The following PRIM2 variants were observed in gnomAD, a reference collection of about 807,000 sequenced individuals.
PRIM2 encodes the protein DNA primase large subunit.
PRIM2 carries 39 observed loss-of-function variants against 67.3 expected under a neutral mutation model. The ratio of observed to expected loss-of-function variants is 0.58; its 90% confidence interval spans 0.45 to 0.76. The LOEUF is 0.76. PRIM2 is among the 30% of genes least tolerant of loss of function. The pLI is 0.00. For missense variants in PRIM2, 398 were observed against 598.7 expected (o/e 0.66, Z 3.50); for synonymous variants, 143 against 198.7 (o/e 0.72, Z 2.36).
chr6:57,450,979 T>C (rs1222455367), intron 7 of PRIM2, among the ~76,000 whole-genome samples: 4 of 152,204 alleles, frequency 2.6e-5, no homozygotes, highest in Non-Finnish European at 5.9e-5. Flanking sequence ...CTCTTGATTC[T>C]GGGAAATGTT....
At chr6:57,508,492 TTAACC>T (rs1774295529) in intron 8 of PRIM2, among the ~76,000 whole-genome samples, 1 of 152,214 alleles carries the variant, frequency 6.6e-6, no homozygotes, top group Admixed American at 6.5e-5. Context: ...ATGCTATATG[TTAACC>T]TTTATTTGTA....
chr6:57,366,073 T>G (rs1245415149), intron 5 of PRIM2, among the ~76,000 whole-genome samples: 2 of 148,402 alleles, frequency 1.3e-5, no homozygotes, highest in African/African-American at 2.5e-5. Flanking sequence ...ATAAATAATA[T>G]AAAAAAAAAC....
At chr6:57,394,077 T>C (rs552861913) in intron 7 of PRIM2, among the ~76,000 whole-genome samples, 1 of 152,348 alleles carries the variant, frequency 6.6e-6, no homozygotes, top group Non-Finnish European at 1.5e-5. Flanking sequence ...TATAGTATAG[T>C]TTGAAATCAG....
At chr6:57,406,642 A>G (rs1252397413) in intron 7 of PRIM2, among the ~76,000 whole-genome samples, 9 of 152,146 alleles carry the variant, frequency 5.9e-5, no homozygotes, top group African/African-American at 2.2e-4. Flanking sequence ...TTGATTGGAA[A>G]TAACCAAGGA....
chr6:57,224,261 A>G, the PRIM2 span, among the ~76,000 whole-genome samples: 1 of 152,290 alleles, frequency 6.6e-6, no homozygotes, highest in Admixed American at 6.5e-5. Context: ...ATCCTGTCTC[A>G]AAAATAAAAG....
the PRIM2 span, among the ~76,000 whole-genome samples, chr6:57,295,943 T>G: frequency 6.6e-6 from 1 of 152,202 alleles, no homozygotes; most frequent in Non-Finnish European, 1.5e-5. Flanking sequence ...GGGAATGGCA[T>G]TTTTGTGACT....
At chr6:57,615,138 G>C (rs1776731816) in intron 12 of PRIM2, among the ~76,000 whole-genome samples, 2 of 152,126 alleles carry the variant, frequency 1.3e-5, no homozygotes, top group Non-Finnish European at 2.9e-5. Flanking sequence ...AAATTTTAGA[G>C]CTGGGTGCGG....
chr6:57,316,497 G>T (rs1262272973), upstream of PRIM2, among the ~76,000 whole-genome samples: 1 of 152,218 alleles, frequency 6.6e-6, no homozygotes, highest in Non-Finnish European at 1.5e-5. Context: ...ACTTAGAACA[G>T]GTCCTGATAT....
the PRIM2 span, among the ~76,000 whole-genome samples, chr6:57,238,439 T>G: frequency 6.6e-6 from 1 of 152,208 alleles, no homozygotes; most frequent in Non-Finnish European, 1.5e-5. Flanking sequence ...ACATGGAAAC[T>G]GAACAACCTG....
intron 5 of PRIM2, among the ~76,000 whole-genome samples, chr6:57,367,743 C>T (rs62417963): frequency 5.3e-5 from 8 of 152,312 alleles, no homozygotes; most frequent in Admixed American, 2.6e-4. Flanking sequence ...CTCTGCTGGA[C>T]GCCTTTCCAT....
chr6:57,610,414 A>G (rs1776646606), intron 12 of PRIM2, among the ~76,000 whole-genome samples: 1 of 152,204 alleles, frequency 6.6e-6, no homozygotes, highest in East Asian at 1.9e-4. Flanking sequence ...ATCAGAAAAG[A>G]GATCATTGTG....
At chr6:57,273,140 G>A in the PRIM2 span, among the ~76,000 whole-genome samples, 12,344 of 151,900 alleles carry the variant, frequency 0.081, 726 homozygotes, top group East Asian at 0.18. Context: ...TCTTTGTGGC[G>A]TTCTCTGTAT....
intron 7 of PRIM2, among the ~76,000 whole-genome samples, chr6:57,403,708 G>A (rs560207186): frequency 6.6e-6 from 1 of 152,130 alleles, no homozygotes; most frequent in Admixed American, 6.5e-5. Flanking sequence ...TTTTCTAGTT[G>A]CCAGTAAATT....
the PRIM2 span, among the ~76,000 whole-genome samples, chr6:57,285,304 T>A: frequency 6.6e-6 from 1 of 152,112 alleles, no homozygotes; most frequent in Non-Finnish European, 1.5e-5. Context: ...TTCCAAAACC[T>A]GGCAGACACA....
At chr6:57,327,540 T>C (rs934819188) in intron 5 of PRIM2, among the ~76,000 whole-genome samples, 1 of 152,214 alleles carries the variant, frequency 6.6e-6, no homozygotes, top group East Asian at 1.9e-4. Context: ...GTTTCTTTCA[T>C]TTACTTCATG....
intron 8 of PRIM2, among the ~76,000 whole-genome samples, chr6:57,529,082 G>A (rs1247108883): frequency 1.3e-5 from 2 of 151,454 alleles, no homozygotes; most frequent in African/African-American, 2.4e-5. Context: ...AGGCCGAGGT[G>A]GGTGGATTAC....
chr6:57,493,057 A>G (rs1773931970), intron 7 of PRIM2, among the ~76,000 whole-genome samples: 1 of 152,206 alleles, frequency 6.6e-6, no homozygotes, highest in South Asian at 2.1e-4. Flanking sequence ...CTACAGCTTT[A>G]TTTTCTTAAG....
At chr6:57,446,793 A>G (rs1423083449) in intron 7 of PRIM2, among the ~76,000 whole-genome samples, 2 of 152,124 alleles carry the variant, frequency 1.3e-5, no homozygotes, top group East Asian at 3.9e-4. Context: ...GGCCATCTCC[A>G]TCTCCCATGC....
the PRIM2 span, among the ~76,000 whole-genome samples, chr6:57,284,290 A>G: frequency 2.8e-4 from 43 of 152,322 alleles, no homozygotes; most frequent in African/African-American, 9.4e-4. Flanking sequence ...GCACTTCACT[A>G]CAATTGCCAA....
Sources: gnomAD v4.1 joint callset for allele counts (sites outside exome capture counted in the v4.1 genomes callset) on GRCh38, gnomAD v4.1.1 for gene constraint, MANE v1.5 for transcripts, NCBI Gene and HGNC (gene_info 2026-07-23, HGNC 2026-07-21) for gene names.